COL7A1: variants seen among roughly 807,000 people sequenced by gnomAD.
COL7A1 encodes the protein collagen alpha-1(VII) chain.
Under a neutral mutation model 456.2 loss-of-function variants are expected in COL7A1, and 296 were observed. The observed-to-expected ratio is 0.65, with a 90% CI of 0.59 to 0.71. The LOEUF is 0.71. COL7A1 is among the 30% of genes least tolerant of loss of function. The pLI, the probability that COL7A1 is intolerant of heterozygous loss-of-function variation, is 0.00. For missense variants in COL7A1, 3,441 were observed against 4,017.2 expected, an observed-to-expected ratio of 0.86 and a Z score of 3.88; for synonymous variants, 1,464 against 1,525.9, an observed-to-expected ratio of 0.96 and a Z score of 0.95.
chr3:48,567,096 C>T lies in COL7A1; in HGVS notation c.8109+32G>A. ...ACCCTCTCCCAAAGTGCACGCTCCC[C>T]TCAATTCACCATGACCATGGCTTCA... On this transcript the variant is annotated intron_variant, in intron 110 of 118. Transcript: ENST00000681320. This position sits in a 1 kb window ranked among gnomAD's most constrained non-coding sequence, Gnocchi z 4.3. 1.2e-6 allele frequency: 2 copies of T among 1,613,722 alleles called. No individual in the cohort carries two copies. The highest frequency in any genetic ancestry group is 8.5e-7 in the Non-Finnish European group (1 of 1,179,832).
In COL7A1 at chr3:48,580,779, C is replaced by G; in HGVS notation, c.4980+103G>C. 1 of 1,568,640 alleles carries G rather than the reference C, an allele frequency of 6.4e-7. No homozygotes were observed. On this transcript the variant is annotated intron_variant, in intron 54 of 118. Transcript: ENST00000681320. This position sits in a 1 kb window ranked among gnomAD's most constrained non-coding sequence, Gnocchi z 4.5. ...ATCAGAGGTTCCCATCACCCCATGC[C>G]TCCCTGCAGGGACTCCCATCACCCC...
chr3:48,568,412 G>A lies in COL7A1; in HGVS notation c.7794+87C>T. The A allele has an allele frequency of 7.1e-7, 1 of 1,404,838 alleles. No individual in the cohort carries two copies. The highest frequency in any genetic ancestry group is 1.8e-4 in the Middle Eastern group (1 of 5,462). The allele number at this position is 1,404,838 out of a possible 1,614,324, so 87.0% of individuals were successfully genotyped here. ...CATGAGAGCACTGGGTCACTATAAG[G>A]TCAAAAGCTACCACACTGGTGGGAC... On this transcript the variant is annotated intron_variant, in intron 105 of 118. Coordinates refer to ENST00000681320, the MANE Select transcript of COL7A1 (RefSeq NM_000094.4). The surrounding 1 kb of genome is among the most constrained non-coding windows in gnomAD (Gnocchi z 5.2).
rs1445361459 is a variant in COL7A1 at position 48,588,427 on chromosome 3, AG to A, written c.2588-24del. 1 of 1,605,166 alleles carries A rather than the reference AG, an allele frequency of 6.2e-7. No individual in the cohort carries two copies. Among genetic ancestry groups the A allele is most frequent in the African/African-American group, 1.3e-5 (1 of 74,822 alleles). Reference sequence around the variant, plus strand: ...GCGCTGGAGAGAAAGCTCAGGAATCAGGGAGGCTCTGCCCCCATGGCCCCTG... The same window carrying A: ...GCGCTGGAGAGAAAGCTCAGGAATCAGGAGGCTCTGCCCCCATGGCCCCTG... On this transcript the variant is annotated intron_variant, in intron 20 of 118. Coordinates refer to ENST00000681320, the MANE Select transcript of COL7A1 (RefSeq NM_000094.4). This position sits in a 1 kb window ranked among gnomAD's most constrained non-coding sequence, Gnocchi z 4.6.
At position 48,566,636 on chromosome 3, in the gene COL7A1, C is replaced by T. The variant is rs1319144112; in HGVS notation, c.8304+24G>A. 1.2e-6 allele frequency: 2 copies of T among 1,614,172 alleles called. No individual in the cohort carries two copies. The highest frequency in any genetic ancestry group is 1.1e-5 in the South Asian group (1 of 91,080). On this transcript the variant is annotated intron_variant, in intron 112 of 118. Transcript: ENST00000681320. The surrounding 1 kb of genome is among the most constrained non-coding windows in gnomAD (Gnocchi z 5.9). Reference sequence around the variant, plus strand: ...AACAGAAGTCACCCCGATCTCTGACCCAAGCCTTGGAATCCCTACTCACCT... The same window carrying T: ...AACAGAAGTCACCCCGATCTCTGACTCAAGCCTTGGAATCCCTACTCACCT...
rs1448933409 is a variant in COL7A1 at position 48,566,517 on chromosome 3, G to A, written c.8351C>T (p.Ala2784Val). The A allele has an allele frequency of 1.9e-6, 3 of 1,613,926 alleles. No homozygotes were observed. Among genetic ancestry groups the A allele is most frequent in the Non-Finnish European group, 2.5e-6 (3 of 1,180,008 alleles). The change falls in exon 113 of 119, where the codon GCA becomes GTA. Residue 2784 changes from alanine to valine, a missense_variant. Around this residue, in one of 3 missense-constraint regions of COL7A1, gnomAD observed 2,084 missense variants for 2,501.3 expected, o/e 0.83. Coordinates refer to ENST00000681320, the MANE Select transcript of COL7A1 (RefSeq NM_000094.4). This position sits in a 1 kb window ranked among gnomAD's most constrained non-coding sequence, Gnocchi z 5.9. ...AGPRGEKGEA[A>V]LTEDDIRGFV... ...ATCCAGGCCCACACTCACCGTCAGT[G>A]CAGCTTCTCCCTTCTCGCCTCGAGG...
rs981616124 is a variant in COL7A1, at chr3:48,581,479, G to A, written c.4787C>T (p.Pro1596Leu). The change falls in exon 51 of 119, where the codon CCC becomes CTC. Residue 1596 changes from proline (P) to leucine (L), a missense_variant. Physicochemically the swap from Pro to Leu is moderately conservative, Grantham distance 98. This residue lies in a region of COL7A1 where 2,084 missense variants were observed against 2,501.3 expected (regional missense o/e 0.83). Coordinates refer to ENST00000681320, the MANE Select transcript of COL7A1 (RefSeq NM_000094.4). The surrounding 1 kb of genome is among the most constrained non-coding windows in gnomAD (Gnocchi z 5.8). Reference sequence around the variant, plus strand: ...TCCTGCTCTGCCAGTAAGGCCAATGGGACCCTGAAGGGGACAGAAGGGGGG... The same window carrying A: ...TCCTGCTCTGCCAGTAAGGCCAATGAGACCCTGAAGGGGACAGAAGGGGGG... ...GPKGDPGDRG[P>L]IGLTGRAGPP... 1.2e-6 allele frequency: 2 copies of A among 1,614,064 alleles called. No homozygotes were observed. Among genetic ancestry groups the A allele is most frequent in the Admixed American group, 1.7e-5 (1 of 60,022 alleles).
At chr3:48,584,805 C>G in intron 34 of COL7A1, 36 bp from the exon 35 acceptor site, 2 of 1,614,002 alleles carry the variant, frequency 1.2e-6, no homozygotes, top group Non-Finnish European at 1.7e-6. Flanking sequence ...GGTGCTTGGG[C>G]TCAGGCGAAT....
chr3:48,589,528 A>G, intron 17 of COL7A1, 58 bp from the exon 18 acceptor site: 1 of 1,612,454 alleles, frequency 6.2e-7, no homozygotes, highest in African/African-American at 1.3e-5. Flanking sequence ...CCAGAGCCCC[A>G]CCTGGACCCC....
chr3:48,569,335 A>T lies in COL7A1; in HGVS notation c.7686+40T>A. 1 of 1,609,916 alleles carries T rather than the reference A, an allele frequency of 6.2e-7. No homozygotes were observed. Among genetic ancestry groups the T allele is most frequent in the Admixed American group, 1.7e-5 (1 of 59,988 alleles). On this transcript the variant is annotated intron_variant, in intron 103 of 118. Transcript: ENST00000681320. The surrounding 1 kb of genome is among the most constrained non-coding windows in gnomAD (Gnocchi z 4.9). ...CAGATGCTGTGGAACCACCACAGCC[A>T]CAGGACCCCACAGAGAGTACACCAC...
Position 48,588,748 on chromosome 3 carries a change from GTC to G in COL7A1, c.2479_2480del (p.Asp827LeufsTer38). The G allele has an allele frequency of 6.2e-7, 1 of 1,613,916 alleles. No homozygotes were observed. The highest frequency in any genetic ancestry group is 1.1e-5 in the South Asian group (1 of 91,090). ...CTTCGAGACCCCGGATCTCTGCAGA[GTC>G]TGTGTTTCCTGGGAGTATCTGGTGC... ...MRHQILPGNT[D>X]SAEIRGLEGG... On this transcript the variant is annotated frameshift_variant, in exon 20 of 119. Coordinates refer to ENST00000681320, the MANE Select transcript of COL7A1 (RefSeq NM_000094.4). LOFTEE classifies it high-confidence loss of function. This position sits in a 1 kb window ranked among gnomAD's most constrained non-coding sequence, Gnocchi z 4.6.
Position 48,581,489 on chromosome 3 carries a change from G to A in COL7A1, c.4783-6C>T, listed in dbSNP as rs761361407. ...CCAGTAAGGCCAATGGGACCCTGAA[G>A]GGGACAGAAGGGGGGCAGGACTTAG... On this transcript the variant is annotated splice_region_variant and splice_polypyrimidine_tract_variant and intron_variant, in intron 50 of 118. Transcript: ENST00000681320. This position sits in a 1 kb window ranked among gnomAD's most constrained non-coding sequence, Gnocchi z 5.8. The A allele has an allele frequency of 1.1e-5, 18 of 1,614,002 alleles. No individual in the cohort carries two copies. In the Admixed American group the frequency reaches 2.7e-4, roughly 24 times the overall value.
chr3:48,587,410 T>C lies in COL7A1; in HGVS notation c.2992+10A>G. Reference sequence around the variant, plus strand: ...CTGCCAGCCCACCCAAATCCTGGCCTCCCCCTCACCCTGGCCAGGGCCTCT... The same window carrying C: ...CTGCCAGCCCACCCAAATCCTGGCCCCCCCCTCACCCTGGCCAGGGCCTCT... On this transcript the variant is annotated intron_variant, in intron 23 of 118. Coordinates refer to ENST00000681320, the MANE Select transcript of COL7A1 (RefSeq NM_000094.4). The surrounding 1 kb of genome is among the most constrained non-coding windows in gnomAD (Gnocchi z 6.1). 1 of 1,613,074 alleles carries C rather than the reference T, an allele frequency of 6.2e-7. No individual in the cohort carries two copies. Among genetic ancestry groups the C allele is most frequent in the Non-Finnish European group, 8.5e-7 (1 of 1,179,962 alleles).
rs747223076 is a variant in COL7A1 at position 48,567,856 on chromosome 3, A to C, written c.7911T>G (p.Asp2637Glu). 5.0e-6 allele frequency: 8 copies of C among 1,611,044 alleles called. No homozygotes were observed. The highest frequency in any genetic ancestry group is 4.1e-5 in the African/African-American group (3 of 73,610). Residue 2637 changes from aspartate (D) to glutamate (E), a missense_variant, in exon 107 of 119, where the codon GAT becomes GAG. This residue lies in a region of COL7A1 where 2,084 missense variants were observed against 2,501.3 expected (regional missense o/e 0.83). Transcript: ENST00000681320. The surrounding 1 kb of genome is among the most constrained non-coding windows in gnomAD (Gnocchi z 4.3). ...ERGVKGACGL[D>E]GEKGDKGEAG... The stretch of plus-strand genomic sequence containing the variant: ...TCTGTACCTTGTCTCCCTTCTCTCC[A>C]TCAAGGCCACAGGCTCCCTTCACTC...
chr3:48,568,664 A>G lies in COL7A1; in HGVS notation c.7758+120T>C. 4.1e-6 allele frequency: 6 copies of G among 1,479,402 alleles called. No individual in the cohort carries two copies. Among genetic ancestry groups the G allele is most frequent in the Non-Finnish European group, 5.5e-6 (6 of 1,084,038 alleles). 91.6% of individuals were successfully genotyped at this position (1,479,402 alleles called of 1,614,324 possible). ...CCACACACAGATCCCGGGTGAACAC[A>G]CATGGGGCCGGCAGCAAGGGAGCCA... On this transcript the variant is annotated intron_variant, in intron 104 of 118. Coordinates refer to ENST00000681320, the MANE Select transcript of COL7A1 (RefSeq NM_000094.4). This position sits in a 1 kb window ranked among gnomAD's most constrained non-coding sequence, Gnocchi z 5.2.
rs566261713 is a variant in COL7A1, at chr3:48,572,554, G to A, written c.6901-16C>T. 1.2e-5 allele frequency: 20 copies of A among 1,613,628 alleles called. No individual in the cohort carries two copies. Among genetic ancestry groups the A allele is most frequent in the East Asian group, 1.1e-4 (5 of 44,802 alleles). ...CGACCACAGCCTGTGGGGAATGCTA[G>A]TGAGTTTCCTCCTCCTCCCCCGCCC... On this transcript the variant is annotated splice_polypyrimidine_tract_variant and intron_variant, in intron 88 of 118. Transcript: ENST00000681320. The surrounding 1 kb of genome is among the most constrained non-coding windows in gnomAD (Gnocchi z 4.6).
Position 48,584,699 on chromosome 3 carries a change from G to A in COL7A1, c.4047+35C>T, listed in dbSNP as rs1204844925. 2.5e-6 allele frequency: 4 copies of A among 1,613,798 alleles called. No homozygotes were observed. The African/African-American group carries it at 5.3e-5, about 22-fold the overall frequency. On this transcript the variant is annotated intron_variant, in intron 35 of 118. Transcript: ENST00000681320. ...GTGGGGCAGTCCTGCTCCTCCCTGG[G>A]ACATCCCGGCCGCCTCCCTTCCCCC...
rs529120446 is a variant in COL7A1 at position 48,586,985 on chromosome 3, G to A, written c.3263C>T (p.Pro1088Leu). Residue 1088 changes from proline to leucine, a missense_variant, in exon 25 of 119, where the codon CCA (proline) becomes CTA (leucine). By Grantham distance (98) the Pro-to-Leu change is moderately conservative (BLOSUM62 -3). Coordinates refer to ENST00000681320, the MANE Select transcript of COL7A1 (RefSeq NM_000094.4). This position sits in a 1 kb window ranked among gnomAD's most constrained non-coding sequence, Gnocchi z 5.1. ...CCAGGGCCAAACCTGAACTGCCTGT[G>A]GCCCAAGAGGCCCAAGTGCCAACAC... ...RLVLALGPLG[P>L]QAVQVGLLSY... The A allele has an allele frequency of 2.5e-4, 394 of 1,595,546 alleles. 4 individuals carry two copies. In the South Asian group the frequency reaches 4.3e-3, roughly 17 times the overall value.
In COL7A1 at chr3:48,564,418, A is replaced by C; in HGVS notation, c.8823T>G (p.Thr2941=). 6.2e-7 allele frequency: 1 copy of C among 1,614,124 alleles called. No individual in the cohort carries two copies. Residue 2941 remains threonine (T), a synonymous_variant, in exon 119 of 119, where the codon ACT becomes ACG. Transcript: ENST00000681320. This position sits in a 1 kb window ranked among gnomAD's most constrained non-coding sequence, Gnocchi z 6.0. Reference sequence around the variant, plus strand: ...CATTATCTGGGCCTCAGTCCTGGGCAGTACCTGGTGAGGACAGGTTGGAAA... The same window carrying C: ...CATTATCTGGGCCTCAGTCCTGGGCCGTACCTGGTGAGGACAGGTTGGAAA... The part of the protein sequence containing the change: ...PRVVQSQGTG[T]AQD
At chr3:48,589,529 C>T (rs561570161) in intron 17 of COL7A1, 59 bp from the exon 18 acceptor site, 3 of 1,612,716 alleles carry the variant, frequency 1.9e-6, no homozygotes, top group South Asian at 1.1e-5. Flanking sequence ...CAGAGCCCCA[C>T]CTGGACCCCC....
Sources: allele counts gnomAD v4.1 joint callset, GRCh38; gene constraint gnomAD v4.1.1; regional missense constraint gnomAD v4.1.1; non-coding constraint Gnocchi (gnomAD v3.1); transcripts MANE v1.5; gene names NCBI Gene and HGNC (gene_info 2026-07-23, HGNC 2026-07-21).